The following SNX24 variants were observed in gnomAD, a reference collection of about 807,000 sequenced individuals.
SNX24 encodes the protein sorting nexin 24, also known as sorting nexin-24.
In SNX24, 22 loss-of-function variants were observed where a neutral mutation model predicts 28.7. The ratio of observed to expected loss-of-function variants is 0.77; its 90% CI spans 0.55 to 1.10. The LOEUF is 1.10. Ranked by LOEUF, SNX24 falls within the 50% of genes least tolerant of loss-of-function variation. SNX24 has a pLI of 0.00. For missense variants in SNX24, 221 were observed against 201.1 expected (o/e 1.10, Z -0.60); for synonymous variants, 69 against 71.5 (o/e 0.96, Z 0.18).
At chr5:122,954,385 T>C (rs1760113031) in intron 3 of SNX24, among the ~76,000 whole-genome samples, 1 of 152,132 alleles carries the variant, frequency 6.6e-6, no homozygotes, top group Admixed American at 6.5e-5. Flanking sequence ...AGAACAAAGA[T>C]GTGTTAAAAT....
At chr5:122,963,521 T>G (rs1760572944) in intron 3 of SNX24, among the ~76,000 whole-genome samples, 1 of 152,238 alleles carries the variant, frequency 6.6e-6, no homozygotes, top group African/African-American at 2.4e-5. Flanking sequence ...GGCATTATAT[T>G]TCTGTGAATA....
At position 123,022,924 on chromosome 5, in the gene SNX24, C is replaced by G. The variant is rs139126759; in HGVS notation, n.384-6314C>G. Reference sequence around the variant, plus strand: ...ACTCAAGCAATCCTCCCACCTCAGCCTCCTGAGTAACTGGAACTACAGATG... The same window carrying G: ...ACTCAAGCAATCCTCCCACCTCAGCGTCCTGAGTAACTGGAACTACAGATG... On this transcript the variant is annotated intron_variant and non_coding_transcript_variant, in intron 5 of 5. Coordinates refer to the SNX24 transcript ENST00000502387. The G allele has an allele frequency of 3.9e-5, 6 of 152,626 alleles. No homozygotes were observed. In the East Asian group the frequency reaches 1.2e-3, roughly 29 times the overall value. The allele number at this position is 152,626 out of a possible 1,614,324, so 9.5% of individuals were successfully genotyped here. A position where few individuals can be genotyped will look rare whatever the true frequency, so the allele number is the denominator to read the frequency against.
At chr5:122,854,723 A>G (rs1755103836) in intron 1 of SNX24, among the ~76,000 whole-genome samples, 1 of 152,156 alleles carries the variant, frequency 6.6e-6, no homozygotes, top group South Asian at 2.1e-4. Context: ...ACAGGGACAT[A>G]TATGAAGATG....
intron 1 of SNX24, among the ~76,000 whole-genome samples, chr5:122,873,922 C>A (rs568289296): frequency 6.6e-6 from 1 of 152,022 alleles, no homozygotes; most frequent in Non-Finnish European, 1.5e-5. Flanking sequence ...CCGGCCACCA[C>A]GTCTGGCTAA....
At chr5:122,956,573 C>T (rs1227289832) in intron 3 of SNX24, among the ~76,000 whole-genome samples, 1 of 152,134 alleles carries the variant, frequency 6.6e-6, no homozygotes, top group Non-Finnish European at 1.5e-5. Context: ...ATTGCTTGAT[C>T]ATGTAATTCC....
intron 3 of SNX24, chr5:122,965,325 C>G (rs1402414744): frequency 5.4e-6 from 2 of 373,452 alleles, no homozygotes; most frequent in African/African-American, 4.2e-5. Context: ...ATTTTCCACT[C>G]AGGCCTAATT....
chr5:123,028,153 G>C (rs1231089670), intron 5 of SNX24, among the ~76,000 whole-genome samples: 1 of 152,184 alleles, frequency 6.6e-6, no homozygotes, highest in Non-Finnish European at 1.5e-5. Context: ...CAGTCCTCCT[G>C]TTCCCAAGTT....
intron 3 of SNX24, among the ~76,000 whole-genome samples, chr5:122,974,366 A>G (rs769599823): frequency 6.6e-5 from 10 of 152,242 alleles, no homozygotes; most frequent in Non-Finnish European, 1.0e-4. Flanking sequence ...ACCTTGTGGA[A>G]GGGAAAATGG....
At chr5:122,867,220 G>C (rs1211543420) in intron 1 of SNX24, among the ~76,000 whole-genome samples, 1 of 152,170 alleles carries the variant, frequency 6.6e-6, no homozygotes, top group African/African-American at 2.4e-5. Context: ...AATATGGTAA[G>C]CCCAGTGAAT....
intron 3 of SNX24, among the ~76,000 whole-genome samples, chr5:122,977,832 G>A (rs1761231485): frequency 6.6e-6 from 1 of 152,154 alleles, no homozygotes; most frequent in Non-Finnish European, 1.5e-5. Flanking sequence ...TATTGTTTGA[G>A]TTCTTATGAT....
At chr5:122,963,832 T>C (rs1760587747) in intron 3 of SNX24, among the ~76,000 whole-genome samples, 1 of 152,234 alleles carries the variant, frequency 6.6e-6, no homozygotes, top group African/African-American at 2.4e-5. Flanking sequence ...TGCAGGTTAA[T>C]ATATTTTAAT....
At chr5:122,914,785 C>G (rs1758087266) in intron 1 of SNX24, among the ~76,000 whole-genome samples, 2 of 152,130 alleles carry the variant, frequency 1.3e-5, no homozygotes. Flanking sequence ...ATTCTTCTCT[C>G]TATTTTTCTT....
intron 3 of SNX24, among the ~76,000 whole-genome samples, chr5:122,947,622 A>G (rs1316883684): frequency 6.6e-6 from 1 of 152,172 alleles, no homozygotes; most frequent in Non-Finnish European, 1.5e-5. Context: ...GTGTGTGGCC[A>G]TGGTTTTTGA....
intron 1 of SNX24, among the ~76,000 whole-genome samples, chr5:122,889,612 C>CAT (rs1045190476): frequency 7.2e-5 from 6 of 83,358 alleles, no homozygotes; most frequent in Non-Finnish European, 1.1e-4. Context: ...TATATACACA[C>CAT]ATATATATAT....
intron 1 of SNX24, among the ~76,000 whole-genome samples, chr5:122,923,368 AAG>A (rs891704875): frequency 5.3e-5 from 8 of 152,112 alleles, no homozygotes; most frequent in African/African-American, 1.7e-4. Flanking sequence ...TAAAAAAAAA[AAG>A]AAGAATTAAA....
chr5:122,931,318 A>C (rs1758944014), intron 1 of SNX24, among the ~76,000 whole-genome samples: 1 of 152,168 alleles, frequency 6.6e-6, no homozygotes, highest in South Asian at 2.1e-4. Flanking sequence ...GAAATCGAAT[A>C]TCATAATAAT....
At chr5:122,991,259 A>G (rs1017677068) in intron 3 of SNX24, among the ~76,000 whole-genome samples, 20 of 152,104 alleles carry the variant, frequency 1.3e-4, no homozygotes, top group African/African-American at 4.8e-4. Context: ...TGCCTCTTAA[A>G]TCCTGGCATT....
chr5:122,857,345 G>A lies in SNX24; in HGVS notation c.60+11652G>A, dbSNP rs144514426. 1.4e-4 allele frequency among the ~76,000 whole-genome samples: 21 copies of A among 151,874 alleles called. No homozygotes were observed. In the East Asian group the frequency reaches 4.1e-3, roughly 29 times the overall value. ...TTTTTGTGTACGGTGTAAGGAAGAGGTTCAGTTTCAATCTTCTACATATGG... is the reference window on the plus strand; with the variant it reads ...TTTTTGTGTACGGTGTAAGGAAGAGATTCAGTTTCAATCTTCTACATATGG... On this transcript the variant is annotated intron_variant, in intron 1 of 6. Transcript: ENST00000261369.
rs192852808 is a variant in SNX24, at chr5:122,887,981, C to T, written c.60+42288C>T. Among the ~76,000 whole-genome samples, 29 of 152,314 alleles carry T rather than the reference C, an allele frequency of 1.9e-4. No individual in the cohort carries two copies. In the East Asian group the frequency reaches 4.6e-3, roughly 24 times the overall value. On this transcript the variant is annotated intron_variant, in intron 1 of 6. Transcript: ENST00000261369. Reference sequence around the variant, plus strand: ...CCTCCCAAAGTGCTGGGATTACAGGCGTGAGCCACCGCACTCGGCCTATAT... The same window carrying T: ...CCTCCCAAAGTGCTGGGATTACAGGTGTGAGCCACCGCACTCGGCCTATAT...
Sources: allele counts gnomAD v4.1 joint callset (sites outside exome capture counted in the v4.1 genomes callset), GRCh38; gene constraint gnomAD v4.1.1; transcripts MANE v1.5; gene names NCBI Gene and HGNC (gene_info 2026-07-23, HGNC 2026-07-21).